CEP250: variants seen among roughly 807,000 people sequenced by gnomAD.
The protein encoded by CEP250 is centrosome-associated protein CEP250.
Under a neutral mutation model 315.7 loss-of-function variants are expected in CEP250, and 242 were observed. That is an observed-to-expected ratio of 0.77 (90% confidence interval 0.69 to 0.85). CEP250 has a LOEUF of 0.85. Among genes scored for constraint, CEP250 ranks in the 40% least tolerant of loss-of-function variants. CEP250 has a pLI of 0.00. For synonymous variants in CEP250, 1,088 were observed against 1,175.0 expected (o/e 0.93, Z 1.51); for missense variants, 2,515 against 2,886.4 (o/e 0.87, Z 2.95).
chr20:35,457,464 A>G (rs1219929342), intron 1 of CEP250, among the ~76,000 whole-genome samples: 2 of 152,052 alleles, frequency 1.3e-5, no homozygotes, highest in East Asian at 3.9e-4. Context: ...CCTTGGCTCA[A>G]GCAGCCCTCC....
In CEP250 at chr20:35,465,727, T is replaced by A. The variant is rs1302821435; in HGVS notation, c.244-16T>A. 6.4e-7 allele frequency: 1 copy of A among 1,574,048 alleles called. No individual in the cohort carries two copies. The highest frequency in any genetic ancestry group is 1.9e-5 in the Admixed American group (1 of 52,874). ...TCTCTTTGGAGGTAAGTAAGGCTTGTCTCTGTCTGGCGCAGGGACCAATCC... is the reference window on the plus strand; with the variant it reads ...TCTCTTTGGAGGTAAGTAAGGCTTGACTCTGTCTGGCGCAGGGACCAATCC... On this transcript the variant is annotated splice_polypyrimidine_tract_variant and intron_variant, in intron 5 of 34. Transcript: ENST00000397527.
At chr20:35,497,449 C>T (rs2063870536) in intron 25 of CEP250, among the ~76,000 whole-genome samples, 1 of 152,190 alleles carries the variant, frequency 6.6e-6, no homozygotes, top group Admixed American at 6.5e-5. Flanking sequence ...CTGGTCATAG[C>T]AAGGAGCCAG....
rs34747030 is a variant in CEP250 at position 35,491,895 on chromosome 20, C to CAAAA, written c.2889+569_2889+572dup. On this transcript the variant is annotated intron_variant, in intron 22 of 34. Transcript: ENST00000397527. ...CCAGCCTTGGTGATAGAGCGAGTCT[C>CAAAA]AAAAAAAAAAAAAAAAAAAAAAAGG... 1.4e-4 allele frequency among the ~76,000 whole-genome samples: 9 copies of CAAAA among 63,912 alleles called. 3 individuals are homozygous for CAAAA. Among genetic ancestry groups the CAAAA allele is most frequent in the Non-Finnish European group, 2.3e-4 (9 of 38,324 alleles). The allele number at this position is 63,912 out of a possible 152,430, so 41.9% of individuals were successfully genotyped here. A position where few individuals can be genotyped will look rare whatever the true frequency, so the allele number is the denominator to read the frequency against.
At chr20:35,474,133 C>A in intron 14 of CEP250, 81 bp downstream of exon 14, 2 of 1,195,192 alleles carry the variant, frequency 1.7e-6, no homozygotes, top group Non-Finnish European at 2.3e-6. Context: ...CCCTCTGTTA[C>A]AAAGTAGAGT....
In CEP250 at chr20:35,493,549, G is replaced by A. The variant is rs752918699; in HGVS notation, c.3010G>A (p.Asp1004Asn). 4.4e-6 allele frequency: 7 copies of A among 1,576,358 alleles called. No homozygotes were observed. The Admixed American group carries it at 9.4e-5, about 21-fold the overall frequency. The change falls in exon 23 of 35, where the codon GAT becomes AAT. Residue 1004 changes from aspartate to asparagine, a missense_variant. Transcript: ENST00000397527. ...AGAAGAGAGCAGCTCCCTGCTGCAG[G>A]ATAAGATGGACCTGCAGAAGCAGGT... is the stretch of plus-strand genomic sequence containing the variant. Reference protein sequence around the residue: ...LQEESSSLLQDKMDLQKQVED... With the variant: ...LQEESSSLLQNKMDLQKQVED...
chr20:35,498,711 ACCCGG>A lies in CEP250; in HGVS notation c.3773_3777del (p.Thr1258ArgfsTer16), dbSNP rs2063918625. 6.4e-7 allele frequency: 1 copy of A among 1,572,366 alleles called. No homozygotes were observed. The highest frequency in any genetic ancestry group is 8.6e-7 in the Non-Finnish European group (1 of 1,166,070). On this transcript the variant is annotated frameshift_variant and splice_region_variant, in exon 27 of 35. Coordinates refer to ENST00000397527, the MANE Select transcript of CEP250 (RefSeq NM_007186.6). LOFTEE classifies it high-confidence loss of function. ...TCAAGACCTGTGGAAGACTCAACAG[ACCCGG>A]GTATGTTTCTCTGCTCCCCTTTCCC...
chr20:35,506,506 T>A (rs2147193605), intron 30 of CEP250, among the ~76,000 whole-genome samples: 1 of 152,238 alleles, frequency 6.6e-6, no homozygotes, highest in Admixed American at 6.5e-5. Context: ...AGAGGCATCA[T>A]CTCTTTTTCC....
At chr20:35,485,807 A>G (rs983885622) in intron 20 of CEP250, among the ~76,000 whole-genome samples, 1 of 144,554 alleles carries the variant, frequency 6.9e-6, no homozygotes, top group African/African-American at 2.6e-5. Flanking sequence ...GGCATGAACC[A>G]CCATGCCTGG....
chr20:35,486,861 T>C (rs768228038), intron 20 of CEP250, among the ~76,000 whole-genome samples: 2 of 152,178 alleles, frequency 1.3e-5, no homozygotes, highest in Non-Finnish European at 2.9e-5. Flanking sequence ...ACACTGATTC[T>C]AGCAGGAATC....
At position 35,501,919 on chromosome 20, in the gene CEP250, T is replaced by C. The variant is rs746727314; in HGVS notation, c.3973T>C (p.Leu1325=). ...LMELHETMAS[L]QSRLRRAELQ... ...GGAACTACATGAAACTATGGCATCC[T>C]TACAGAGTCGCCTGCGGAGAGCAGA... The change falls in exon 29 of 35, where the codon TTA becomes CTA. Residue 1325 remains leucine, a synonymous_variant. Coordinates refer to ENST00000397527, the MANE Select transcript of CEP250 (RefSeq NM_007186.6). 1 of 1,613,636 alleles carries C rather than the reference T, an allele frequency of 6.2e-7. No individual in the cohort carries two copies. The highest frequency in any genetic ancestry group is 8.5e-7 in the Non-Finnish European group (1 of 1,180,008).
chr20:35,487,786 A>T lies in CEP250; in HGVS notation c.2587-2851A>T, dbSNP rs147153337. On this transcript the variant is annotated intron_variant, in intron 20 of 34. Transcript: ENST00000397527. ...CCCCATCTCTAAATAAATAAAATAT[A>T]AAAAGAGAAGTCAGGGTTACATGGC... Among the ~76,000 whole-genome samples the T allele has an allele frequency of 3.0e-4, 46 of 152,322 alleles. 1 individual carries two copies. The East Asian group carries it at 7.3e-3, about 24-fold the overall frequency.
chr20:35,457,611 C>T (rs957599486), intron 1 of CEP250, among the ~76,000 whole-genome samples: 13 of 151,954 alleles, frequency 8.6e-5, no homozygotes, highest in African/African-American at 3.1e-4. Context: ...GATCCTCCCA[C>T]CTTGGTGAAA....
chr20:35,483,539 A>T (rs1295756073), intron 20 of CEP250, among the ~76,000 whole-genome samples: 1 of 140,272 alleles, frequency 7.1e-6, no homozygotes, highest in Non-Finnish European at 1.6e-5. Flanking sequence ...TTTAATTTTA[A>T]TTTTTTTTTT....
intron 21 of CEP250, 71 bp downstream of exon 21, chr20:35,490,875 A>G: frequency 6.4e-7 from 1 of 1,552,722 alleles, no homozygotes; most frequent in South Asian, 1.2e-5. Flanking sequence ...TTCCTTTTCT[A>G]CTCCCAAGAG....
intron 28 of CEP250, among the ~76,000 whole-genome samples, chr20:35,500,560 T>C (rs1207381577): frequency 6.6e-6 from 1 of 152,186 alleles, no homozygotes; most frequent in Non-Finnish European, 1.5e-5. Context: ...CAAGGCTCTC[T>C]GTGATGAGGA....
chr20:35,472,214 C>T, intron 11 of CEP250, 63 bp downstream of exon 11: 2 of 936,634 alleles, frequency 2.1e-6, no homozygotes, highest in Non-Finnish European at 3.5e-6. Flanking sequence ...GTCTCCATGT[C>T]CTTTCAGTCC....
chr20:35,493,652 G>A, intron 23 of CEP250, 80 bp downstream of exon 23: 1 of 1,374,724 alleles, frequency 7.3e-7, no homozygotes. Flanking sequence ...GCAGGACAGG[G>A]AGAACCTTGG....
At position 35,504,642 on chromosome 20, in the gene CEP250, C is replaced by A; in HGVS notation, c.6273C>A (p.Gly2091=). 1.2e-6 allele frequency: 2 copies of A among 1,614,102 alleles called. No homozygotes were observed. The highest frequency in any genetic ancestry group is 2.2e-5 in the South Asian group (2 of 91,080). The change falls in exon 30 of 35, where the codon GGC becomes GGA. Residue 2091 remains glycine (G), a synonymous_variant. Coordinates refer to ENST00000397527, the MANE Select transcript of CEP250 (RefSeq NM_007186.6). Reference sequence around the variant, plus strand: ...AGAGAGAAGAGGAGGAGATAAGGGGCCTTCATCAGAGTGTAAGGGAGCTAC... The same window carrying A: ...AGAGAGAAGAGGAGGAGATAAGGGGACTTCATCAGAGTGTAAGGGAGCTAC... ...GQEREEEEIR[G]LHQSVRELQL...
intron 30 of CEP250, among the ~76,000 whole-genome samples, chr20:35,505,808 G>A (rs2064170780): frequency 6.6e-6 from 1 of 152,098 alleles, no homozygotes; most frequent in Admixed American, 6.6e-5. Context: ...GGGAGGATTT[G>A]GGAAGAGACC....
Sources: gnomAD v4.1 joint callset for allele counts (sites outside exome capture counted in the v4.1 genomes callset) on GRCh38, gnomAD v4.1.1 for gene constraint, MANE v1.5 for transcripts, NCBI Gene and HGNC (gene_info 2026-07-23, HGNC 2026-07-21) for gene names.